ABCA13: variants seen among roughly 807,000 people sequenced by gnomAD.
ABCA13 encodes ATP-binding cassette sub-family A member 13.
ABCA13 carries 476 observed loss-of-function variants against 478.7 expected under a neutral mutation model. That is an observed-to-expected ratio of 0.99 (90% CI 0.92 to 1.07). The LOEUF is 1.07. Among genes scored for constraint, ABCA13 ranks in the 50% least tolerant of loss-of-function variants. ABCA13 has a pLI of 0.00. For synonymous variants in ABCA13, 2,252 were observed against 2,158.9 expected (o/e 1.04, Z -1.20); for missense variants, 6,060 against 5,910.6 (o/e 1.03, Z -0.83).
At chr7:48,349,675 T>C (rs1808641967) in intron 29 of ABCA13, among the ~76,000 whole-genome samples, 1 of 152,124 alleles carries the variant, frequency 6.6e-6, no homozygotes, top group Non-Finnish European at 1.5e-5. Flanking sequence ...GAAGCAAGCA[T>C]GAGAGGCAGA....
chr7:48,416,433 T>C (rs13238320), intron 41 of ABCA13, among the ~76,000 whole-genome samples: 2,013 of 152,194 alleles, frequency 0.013, 15 homozygotes, highest in Non-Finnish European at 0.02. Context: ...GTGGTTTGCA[T>C]TCTTGACCAT....
intron 56 of ABCA13, among the ~76,000 whole-genome samples, chr7:48,584,109 T>C (rs1010922729): frequency 1.3e-5 from 2 of 152,236 alleles, no homozygotes; most frequent in African/African-American, 4.8e-5. Flanking sequence ...CATATATTAT[T>C]ATTTTTATTT....
rs146453878 is a variant in ABCA13 at position 48,628,559 on chromosome 7, C to G, written c.14837+13182C>G. On this transcript the variant is annotated intron_variant, in intron 59 of 61. Coordinates refer to ENST00000435803, the MANE Select transcript of ABCA13 (RefSeq NM_152701.5). ...ACTTCAGACTTTAAACATTAACATC[C>G]TTACTATTTGGGGCTTTCTGTCACT... Among the ~76,000 whole-genome samples the G allele has an allele frequency of 5.6e-4, 85 of 152,270 alleles. 3 individuals carry two copies. The East Asian group carries it at 0.012, about 22-fold the overall frequency.
Position 48,219,351 on chromosome 7 carries a change from A to C in ABCA13, c.288-3A>C. 1 of 1,603,336 alleles carries C rather than the reference A, an allele frequency of 6.2e-7. No individual in the cohort carries two copies. The highest frequency in any genetic ancestry group is 8.5e-7 in the Non-Finnish European group (1 of 1,177,440). On this transcript the variant is annotated splice_polypyrimidine_tract_variant and splice_region_variant and intron_variant, in intron 3 of 61. Transcript: ENST00000435803. The stretch of plus-strand genomic sequence containing the variant: ...TCACTTGCAGTATTTATTCTGTTTA[A>C]AGTTTGTCTAGGTTCCAAACTGCAG...
rs1256802783 is a variant in ABCA13 at position 48,594,710 on chromosome 7, G to T, written c.14641G>T (p.Asp4881Tyr). Residue 4881 changes from aspartate (D) to tyrosine (Y), a missense_variant and splice_region_variant, in exon 58 of 62, where the codon GAT (aspartate) becomes TAT (tyrosine). By Grantham distance (160) the Asp-to-Tyr change is radical. Transcript: ENST00000435803. ...TTACTCTGTGTTGCCTTTCCTTCAG[G>T]ATGAGCCCAGCTCTGGGATGGATCC... The part of the protein sequence containing the change: ...LVGKPDILLL[D>Y]EPSSGMDPCS... The T allele has an allele frequency of 1.2e-6, 2 of 1,613,608 alleles. No individual in the cohort carries two copies. Among genetic ancestry groups the T allele is most frequent in the East Asian group, 4.5e-5 (2 of 44,866 alleles).
Position 48,273,544 on chromosome 7 carries a change from G to T in ABCA13, c.3878G>T (p.Ser1293Ile), listed in dbSNP as rs747333301. Residue 1293 changes from serine (S) to isoleucine (I), a missense_variant, in exon 17 of 62, where the codon AGT (serine) becomes ATT (isoleucine). Transcript: ENST00000435803. ...CTTGAAGTTTTCATTGAGTTTAGCAGTACCTCAGAATATATAGTCAGAAAT... is the reference window on the plus strand; with the variant it reads ...CTTGAAGTTTTCATTGAGTTTAGCATTACCTCAGAATATATAGTCAGAAAT... ...SLLEVFIEFSSTSEYIVRNLD... is the reference protein window; with the variant it reads ...SLLEVFIEFSITSEYIVRNLD... The T allele has an allele frequency of 6.8e-5, 108 of 1,583,092 alleles. No individual in the cohort carries two copies. Among genetic ancestry groups the T allele is most frequent in the Non-Finnish European group, 9.0e-5 (105 of 1,162,618 alleles).
intron 41 of ABCA13, among the ~76,000 whole-genome samples, chr7:48,416,137 T>C (rs1819941010): frequency 6.6e-6 from 1 of 152,184 alleles, no homozygotes; most frequent in South Asian, 2.1e-4. Flanking sequence ...CAGAATCTTT[T>C]AAAGCCACTA....
chr7:48,583,952 A>G (rs1218699815), intron 56 of ABCA13, among the ~76,000 whole-genome samples: 5 of 152,198 alleles, frequency 3.3e-5, no homozygotes, highest in Non-Finnish European at 2.9e-5. Context: ...CCAATCCAGA[A>G]TTTGCAGGCT....
rs74664513 is a variant in ABCA13 at position 48,314,838 on chromosome 7, T to C, written c.9859+429T>C. On this transcript the variant is annotated intron_variant, in intron 26 of 61. Transcript: ENST00000435803. The stretch of plus-strand genomic sequence containing the variant: ...CTCAGGTACAAGTGAATATGCATGA[T>C]AGGTACAAACGAATATGTCACGATG... Among the ~76,000 whole-genome samples the C allele has an allele frequency of 3.1e-3, 465 of 152,306 alleles. 1 individual carries two copies. Among genetic ancestry groups the C allele is most frequent in the African/African-American group, 0.011 (444 of 41,550 alleles).
At chr7:48,542,462 T>C (rs1834004002) in intron 55 of ABCA13, among the ~76,000 whole-genome samples, 1 of 151,750 alleles carries the variant, frequency 6.6e-6, no homozygotes, top group Non-Finnish European at 1.5e-5. Flanking sequence ...TGCTAATTAT[T>C]ATCTTTTGTG....
Position 48,257,108 on chromosome 7 carries a change from T to C in ABCA13, c.2005+7757T>C, listed in dbSNP as rs185899911. ...TTCTGTTCTTGATTTGGCTTTCATC[T>C]TGGATATTGTTGGTTTGTACATTGA... On this transcript the variant is annotated intron_variant, in intron 15 of 61. Transcript: ENST00000435803. 1.1e-4 allele frequency among the ~76,000 whole-genome samples: 17 copies of C among 152,216 alleles called. No homozygotes were observed. The East Asian group carries it at 2.7e-3, about 24-fold the overall frequency.
At chr7:48,558,142 C>T (rs950260361) in intron 55 of ABCA13, among the ~76,000 whole-genome samples, 1 of 149,868 alleles carries the variant, frequency 6.7e-6, no homozygotes, top group African/African-American at 2.5e-5. Flanking sequence ...TTCCTTCCTT[C>T]CTTTCTCCAT....
At chr7:48,531,031 G>T (rs1193215653) in intron 55 of ABCA13, among the ~76,000 whole-genome samples, 1 of 152,050 alleles carries the variant, frequency 6.6e-6, no homozygotes. Context: ...TGTTGCATTT[G>T]CTTTTTGGTT....
chr7:48,356,355 A>C (rs11972317), intron 31 of ABCA13, among the ~76,000 whole-genome samples: 37,087 of 151,238 alleles, frequency 0.25, 5,285 homozygotes, highest in African/African-American at 0.38. Context: ...AAGAAATGGG[A>C]GGTGACTTCT....
chr7:48,295,899 C>G, intron 21 of ABCA13, 36 bp downstream of exon 21: 1 of 1,562,820 alleles, frequency 6.4e-7, no homozygotes. Context: ...CTCCCCAGTA[C>G]TTCCATTCAT....
In ABCA13 at chr7:48,234,186, C is replaced by T. The variant is rs1008876353; in HGVS notation, c.897+35C>T. On this transcript the variant is annotated intron_variant, in intron 8 of 61. Transcript: ENST00000435803. ...CTTGACTGCTTCTCACACCGCTGGG[C>T]CTTTCCTGGAGACTGGATCTAGAGC... The T allele has an allele frequency of 2.5e-6, 4 of 1,613,234 alleles. No individual in the cohort carries two copies. In the African/African-American group the frequency reaches 4.0e-5, roughly 16 times the overall value.
Position 48,276,092 on chromosome 7 carries a change from A to G in ABCA13, c.6426A>G (p.Ile2142Met). The change falls in exon 17 of 62, where the codon ATA becomes ATG. Residue 2142 changes from isoleucine (I) to methionine (M), a missense_variant. Ile to Met is a conservative substitution (Grantham distance 10). This residue lies in a region of ABCA13 where 4,423 missense variants were observed against 4,309.1 expected (regional missense o/e 1.03). Coordinates refer to ENST00000435803, the MANE Select transcript of ABCA13 (RefSeq NM_152701.5). ...EYANEDYSRM[I>M]ETLFIPVTNE... ...CAAATGAGGATTACTCCAGAATGAT[A>G]GAAACATTATTCATTCCTGTGACCA... 6.2e-7 allele frequency: 1 copy of G among 1,601,366 alleles called. No individual in the cohort carries two copies. Among genetic ancestry groups the G allele is most frequent in the Non-Finnish European group, 8.5e-7 (1 of 1,173,212 alleles).
intron 29 of ABCA13, among the ~76,000 whole-genome samples, chr7:48,343,208 C>T (rs1807517697): frequency 2.0e-5 from 3 of 151,968 alleles, no homozygotes; most frequent in African/African-American, 7.3e-5. Flanking sequence ...ATTTGAGTCT[C>T]CTGATAGTGC....
At chr7:48,566,525 A>G (rs1227735299) in intron 55 of ABCA13, among the ~76,000 whole-genome samples, 1 of 152,168 alleles carries the variant, frequency 6.6e-6, no homozygotes, top group Non-Finnish European at 1.5e-5. Context: ...ATAGATTAGA[A>G]GATTTATATA....
Sources: gnomAD v4.1 joint callset for allele counts (sites outside exome capture counted in the v4.1 genomes callset) on GRCh38, gnomAD v4.1.1 for gene constraint, gnomAD v4.1.1 regional missense constraint, MANE v1.5 for transcripts, NCBI Gene and HGNC (gene_info 2026-07-23, HGNC 2026-07-21) for gene names.